The following PDSS2 variants were observed in gnomAD, a reference collection of about 807,000 sequenced individuals.
PDSS2 encodes the protein all trans-polyprenyl-diphosphate synthase PDSS2.
PDSS2 carries 31 observed loss-of-function variants against 44.5 expected under a neutral mutation model. That is an observed-to-expected ratio of 0.70 (90% confidence interval 0.52 to 0.94). The LOEUF is 0.94. Ranked by LOEUF, PDSS2 falls within the 40% of genes least tolerant of loss-of-function variation. The probability of loss-of-function intolerance (pLI) is 0.00; values close to 1 mark genes in which losing one functional copy is unlikely to be tolerated. For synonymous variants in PDSS2, 157 were observed against 180.3 expected, an observed-to-expected ratio of 0.87 and a Z score of 1.03; for missense variants, 452 against 482.2, an observed-to-expected ratio of 0.94 and a Z score of 0.59.
chr6:107,222,877 G>A (rs1188687331), intron 4 of PDSS2, among the ~76,000 whole-genome samples: 1 of 151,910 alleles, frequency 6.6e-6, no homozygotes, highest in Non-Finnish European at 1.5e-5. Context: ...AGGCCAACAT[G>A]TGAGGACAGC....
chr6:107,235,709 G>C (rs1397692882), intron 4 of PDSS2, among the ~76,000 whole-genome samples: 1 of 152,024 alleles, frequency 6.6e-6, no homozygotes, highest in African/African-American at 2.4e-5. Flanking sequence ...TAATGAGGGA[G>C]AAAAAAATCA....
intron 1 of PDSS2, 78 bp downstream of exon 1, chr6:107,458,912 A>G: frequency 7.9e-7 from 1 of 1,271,344 alleles, no homozygotes; most frequent in South Asian, 1.2e-5. Context: ...AGTCTGAGAG[A>G]GCTAGAATGC....
At chr6:107,158,910 G>A (rs1334506483) in intron 7 of PDSS2, among the ~76,000 whole-genome samples, 1 of 151,936 alleles carries the variant, frequency 6.6e-6, no homozygotes, top group Admixed American at 6.6e-5. Flanking sequence ...TATATTTTTA[G>A]TAGAGACAGG....
intron 1 of PDSS2, among the ~76,000 whole-genome samples, chr6:107,438,084 C>T (rs1022984925): frequency 3.3e-5 from 5 of 152,172 alleles, no homozygotes. Context: ...TCCTAACAGG[C>T]AGCAAGGTGG....
chr6:107,248,164 C>T (rs1319794647), intron 3 of PDSS2, among the ~76,000 whole-genome samples: 2 of 152,242 alleles, frequency 1.3e-5, no homozygotes, highest in East Asian at 3.9e-4. Context: ...TTACCCCAGA[C>T]ATTCACCTGT....
At chr6:107,246,733 AT>A (rs1774630023) in intron 3 of PDSS2, among the ~76,000 whole-genome samples, 2 of 152,212 alleles carry the variant, frequency 1.3e-5, no homozygotes, top group Non-Finnish European at 2.9e-5. Context: ...TTATCTCCAA[AT>A]TTATATATTT....
chr6:107,334,843 C>T (rs573742760), intron 1 of PDSS2, among the ~76,000 whole-genome samples: 1 of 152,192 alleles, frequency 6.6e-6, no homozygotes, highest in East Asian at 1.9e-4. Context: ...CCACCATGCC[C>T]AGCCCATGGC....
chr6:107,377,502 G>C (rs1779321310), intron 1 of PDSS2, among the ~76,000 whole-genome samples: 1 of 152,128 alleles, frequency 6.6e-6, no homozygotes, highest in Non-Finnish European at 1.5e-5. Context: ...TCTAGAACTA[G>C]AAATACCATT....
intron 1 of PDSS2, among the ~76,000 whole-genome samples, chr6:107,451,622 A>G (rs769406720): frequency 8.5e-5 from 13 of 152,278 alleles, no homozygotes; most frequent in Non-Finnish European, 1.9e-4. Context: ...TATGGGTCAA[A>G]GGAAGTGCTA....
chr6:107,279,897 G>GA (rs1027676718), intron 2 of PDSS2, among the ~76,000 whole-genome samples: 27 of 152,104 alleles, frequency 1.8e-4, no homozygotes, highest in Admixed American at 5.9e-4. Flanking sequence ...TTGACAGTAT[G>GA]AAAAAATTTG....
At chr6:107,258,176 A>G (rs7772518) in intron 3 of PDSS2, among the ~76,000 whole-genome samples, 2,301 of 152,334 alleles carry the variant, frequency 0.015, 59 homozygotes, top group African/African-American at 0.053. Context: ...AGATGAGTTT[A>G]CCAATTTGGG....
chr6:107,250,382 A>G (rs1222566642), intron 3 of PDSS2, among the ~76,000 whole-genome samples: 1 of 152,216 alleles, frequency 6.6e-6, no homozygotes, highest in Non-Finnish European at 1.5e-5. Context: ...CAAATGATAG[A>G]TTCTGGATGA....
intron 2 of PDSS2, among the ~76,000 whole-genome samples, chr6:107,285,782 T>C (rs1776120363): frequency 6.6e-6 from 1 of 152,124 alleles, no homozygotes; most frequent in Admixed American, 6.6e-5. Context: ...GAAAACATCC[T>C]TATGGACATG....
At chr6:107,310,195 G>C (rs1054975187) in intron 2 of PDSS2, among the ~76,000 whole-genome samples, 3 of 147,208 alleles carry the variant, frequency 2.0e-5, no homozygotes, top group African/African-American at 7.6e-5. Context: ...TGAGGCAGGA[G>C]AATCACTTGA....
chr6:107,159,276 G>GGGAA (rs577617842), intron 7 of PDSS2, among the ~76,000 whole-genome samples: 1 of 147,664 alleles, frequency 6.8e-6, no homozygotes, highest in Non-Finnish European at 1.5e-5. Context: ...GCAGTCTTAA[G>GGGAA]GGAAGGAAGG....
chr6:107,268,424 G>A (rs1775482078), intron 3 of PDSS2, among the ~76,000 whole-genome samples: 1 of 151,828 alleles, frequency 6.6e-6, no homozygotes, highest in Non-Finnish European at 1.5e-5. Context: ...AAAACAAACA[G>A]CTGATTTTAT....
At chr6:107,257,005 C>A (rs887842619) in intron 3 of PDSS2, among the ~76,000 whole-genome samples, 8 of 152,046 alleles carry the variant, frequency 5.3e-5, no homozygotes, top group Non-Finnish European at 8.8e-5. Context: ...CATGGCAAAA[C>A]CCCATCTCTA....
intron 1 of PDSS2, among the ~76,000 whole-genome samples, chr6:107,347,151 C>CATGG (rs1778272015): frequency 6.6e-6 from 1 of 152,092 alleles, no homozygotes; most frequent in Non-Finnish European, 1.5e-5. Context: ...TGAGGACCTG[C>CATGG]ATGGGCCCAG....
chr6:107,212,830 ACT>A (rs1773267355), intron 4 of PDSS2, among the ~76,000 whole-genome samples: 1 of 85,888 alleles, frequency 1.2e-5, no homozygotes, highest in Non-Finnish European at 2.2e-5. Flanking sequence ...ACATAGCAAG[ACT>A]CTACAAAAAA....
Sources: allele counts gnomAD v4.1 joint callset (sites outside exome capture counted in the v4.1 genomes callset), GRCh38; gene constraint gnomAD v4.1.1; transcripts MANE v1.5; gene names NCBI Gene and HGNC (gene_info 2026-07-23, HGNC 2026-07-21).